TYW1: variants seen among roughly 807,000 people sequenced by gnomAD.
The protein encoded by TYW1 is S-adenosyl-L-methionine-dependent tRNA 4-demethylwyosine synthase TYW1.
Under a neutral mutation model 96.2 loss-of-function variants are expected in TYW1, and 46 were observed. The ratio of observed to expected loss-of-function variants is 0.48; its 90% confidence interval spans 0.38 to 0.61. The LOEUF (loss-of-function observed/expected upper bound fraction) is 0.61. TYW1 is among the 20% of genes least tolerant of loss of function. The probability of loss-of-function intolerance (pLI) is 0.00; values close to 1 mark genes in which losing one functional copy is unlikely to be tolerated. For missense variants in TYW1, 684 were observed against 909.6 expected (o/e 0.75, Z 3.19); for synonymous variants, 274 against 323.0 (o/e 0.85, Z 1.63).
At chr7:67,160,419 A>G (rs1007688895) in intron 13 of TYW1, among the ~76,000 whole-genome samples, 14 of 151,822 alleles carry the variant, frequency 9.2e-5, no homozygotes, top group African/African-American at 3.4e-4. Flanking sequence ...TTCTTTTTGA[A>G]GTATCTGTTT....
At chr7:67,159,795 T>TTTTA (rs1554380277) in intron 13 of TYW1, among the ~76,000 whole-genome samples, 6 of 149,648 alleles carry the variant, frequency 4.0e-5, no homozygotes, top group African/African-American at 9.8e-5. Flanking sequence ...TTTTATTTTA[T>TTTTA]TTTATTTATT....
At chr7:67,218,596 G>T in intron 15 of TYW1, among the ~76,000 whole-genome samples, 1 of 152,058 alleles carries the variant, frequency 6.6e-6, no homozygotes, top group South Asian at 2.1e-4. Flanking sequence ...CAAGCAATCT[G>T]CCCACCTCGG....
chr7:67,040,312 G>C (rs1176477941), intron 7 of TYW1, among the ~76,000 whole-genome samples: 1 of 151,952 alleles, frequency 6.6e-6, no homozygotes, highest in Non-Finnish European at 1.5e-5. Flanking sequence ...GTGCTTTCAA[G>C]TTTTCTGCTC....
At chr7:67,029,841 C>T (rs936650169) in intron 7 of TYW1, among the ~76,000 whole-genome samples, 18 of 152,122 alleles carry the variant, frequency 1.2e-4, no homozygotes, top group African/African-American at 4.3e-4. Context: ...GCTGGGACTA[C>T]AGACACGCAC....
intron 12 of TYW1, among the ~76,000 whole-genome samples, chr7:67,115,467 G>A (rs1216678866): frequency 5.3e-5 from 8 of 152,108 alleles, no homozygotes; most frequent in African/African-American, 1.9e-4. Flanking sequence ...AGCAATGAGA[G>A]CCTGCCAGGA....
chr7:67,107,383 C>T (rs1337645535), intron 12 of TYW1, among the ~76,000 whole-genome samples: 1 of 152,146 alleles, frequency 6.6e-6, no homozygotes, highest in African/African-American at 2.4e-5. Context: ...ATCTAATTTT[C>T]TCTCCTGTCT....
chr7:67,204,059 G>A (rs1800689700), intron 15 of TYW1, among the ~76,000 whole-genome samples: 1 of 152,182 alleles, frequency 6.6e-6, no homozygotes, highest in Non-Finnish European at 1.5e-5. Flanking sequence ...GTTTTCAGAA[G>A]TTTGATTACA....
intron 8 of TYW1, among the ~76,000 whole-genome samples, chr7:67,051,230 T>G (rs1795346314): frequency 6.6e-6 from 1 of 152,336 alleles, no homozygotes; most frequent in Admixed American, 6.5e-5. Flanking sequence ...TCACTCAATG[T>G]GTAGAAGAAC....
intron 15 of TYW1, among the ~76,000 whole-genome samples, chr7:67,210,341 G>A (rs1397063243): frequency 6.6e-6 from 1 of 152,156 alleles, no homozygotes; most frequent in African/African-American, 2.4e-5. Flanking sequence ...TCAAGGGCAC[G>A]CACCTACTGC....
At chr7:67,071,410 C>T (rs908301800) in intron 10 of TYW1, among the ~76,000 whole-genome samples, 10 of 150,572 alleles carry the variant, frequency 6.6e-5, no homozygotes, top group Admixed American at 2.0e-4. Flanking sequence ...AAGCTTCTCC[C>T]AGTCTTTGCA....
At chr7:67,210,743 CTGTT>C (rs1222289774) in intron 15 of TYW1, among the ~76,000 whole-genome samples, 2 of 151,624 alleles carry the variant, frequency 1.3e-5, no homozygotes, top group Non-Finnish European at 2.9e-5. Flanking sequence ...CATCTGTCAT[CTGTT>C]TGTCTGTCGT....
intron 7 of TYW1, among the ~76,000 whole-genome samples, 157 bp from the exon 8 acceptor site, chr7:67,049,792 C>T (rs529579443): frequency 6.6e-6 from 1 of 152,288 alleles, no homozygotes; most frequent in South Asian, 2.1e-4. Flanking sequence ...GGTGATCCGC[C>T]TGCCCTGGCC....
chr7:67,152,784 C>T (rs1380426816), intron 13 of TYW1, among the ~76,000 whole-genome samples: 4 of 151,960 alleles, frequency 2.6e-5, no homozygotes, highest in African/African-American at 4.8e-5. Flanking sequence ...GTATTTTTAG[C>T]AGAGACAGGT....
chr7:67,100,647 C>T (rs1797056555), intron 12 of TYW1, among the ~76,000 whole-genome samples: 2 of 151,986 alleles, frequency 1.3e-5, no homozygotes, highest in East Asian at 3.9e-4. Flanking sequence ...GAGATTGAGA[C>T]CATCCTGGCT....
chr7:67,232,223 C>T (rs1451416984), intron 15 of TYW1, among the ~76,000 whole-genome samples: 2 of 151,538 alleles, frequency 1.3e-5, no homozygotes, highest in African/African-American at 2.4e-5. Flanking sequence ...AGAGTGTCTG[C>T]GCCCAGCCAC....
At chr7:67,183,770 A>G (rs1799915358) in intron 14 of TYW1, among the ~76,000 whole-genome samples, 2 of 152,312 alleles carry the variant, frequency 1.3e-5, no homozygotes, top group Admixed American at 1.3e-4. Context: ...GAATTATTTC[A>G]GCATATATTC....
chr7:67,223,130 C>T (rs910712259), intron 15 of TYW1, among the ~76,000 whole-genome samples: 9 of 152,040 alleles, frequency 5.9e-5, no homozygotes, highest in Non-Finnish European at 8.8e-5. Flanking sequence ...TCTTTAAGAT[C>T]GCTGTTTTAA....
chr7:67,139,114 C>CG (rs1346765228), intron 13 of TYW1, among the ~76,000 whole-genome samples: 1 of 152,014 alleles, frequency 6.6e-6, no homozygotes, highest in African/African-American at 2.4e-5. Flanking sequence ...AGTGCAGTGG[C>CG]CGATCTCGGC....
chr7:67,072,756 T>G (rs1796068465), intron 10 of TYW1, among the ~76,000 whole-genome samples: 1 of 152,012 alleles, frequency 6.6e-6, no homozygotes, highest in Non-Finnish European at 1.5e-5. Flanking sequence ...TAATAAGGTC[T>G]GTTAAAAAAT....
Sources: gnomAD v4.1 joint callset for allele counts (sites outside exome capture counted in the v4.1 genomes callset) on GRCh38, gnomAD v4.1.1 for gene constraint, MANE v1.5 for transcripts, NCBI Gene and HGNC (gene_info 2026-07-23, HGNC 2026-07-21) for gene names.